Variants in ADRA1D observed in about 807,000 individuals in gnomAD.
ADRA1D encodes the protein adrenoceptor alpha 1D.
ADRA1D carries 22 observed loss-of-function variants against 18.6 expected under a neutral mutation model. The observed-to-expected ratio is 1.19, with a 90% confidence interval of 0.85 to 1.69. The LOEUF (loss-of-function observed/expected upper bound fraction) is 1.69. Ranked by LOEUF, ADRA1D falls within the 40% of genes most tolerant of loss-of-function variation. The pLI is 0.00. For synonymous variants in ADRA1D, 376 were observed against 388.2 expected (o/e 0.97, Z 0.37); for missense variants, 840 against 840.7 (o/e 1.00, Z 0.01).
rs1483384901 is a variant in ADRA1D at position 4,222,814 on chromosome 20, A to G, written c.1112-684T>C. ...ATGGAACCCGCGCTACCTATATATA[A>G]ACAGTAGATTAAACTACTGTGCTGG... On this transcript the variant is annotated intron_variant, in intron 1 of 1. Coordinates refer to ENST00000379453, the MANE Select transcript of ADRA1D (RefSeq NM_000678.4). The surrounding 1 kb of genome is among the most constrained non-coding windows in gnomAD (Gnocchi z 4.3). 6.6e-6 allele frequency among the ~76,000 whole-genome samples: 1 copy of G among 152,228 alleles called. No individual in the cohort carries two copies. Among genetic ancestry groups the G allele is most frequent in the Non-Finnish European group, 1.5e-5 (1 of 68,048 alleles).
intron 1 of ADRA1D, among the ~76,000 whole-genome samples, chr20:4,247,488 C>G (rs1271154312): frequency 5.3e-5 from 8 of 152,178 alleles, no homozygotes; most frequent in Non-Finnish European, 1.0e-4. Flanking sequence ...GCACCCACCT[C>G]CCGGGAGGGG....
Position 4,248,739 on chromosome 20 carries a change from C to G in ADRA1D, c.219G>C (p.Gly73=), listed in dbSNP as rs1348599104. Reference sequence around the variant, plus strand: ...TCACGTCGCCGCCCGCGCCCGCGCTCCCCGGCTCCCCCGCGGAGCTCCGGT... The same window carrying G: ...TCACGTCGCCGCCCGCGCCCGCGCTGCCCGGCTCCCCCGCGGAGCTCCGGT... ...EDNRSSAGEP[G]SAGAGGDVNG... is the part of the protein sequence containing the mutation. The change falls in exon 1 of 2, where the codon GGG becomes GGC. Residue 73 remains glycine, a synonymous_variant. Coordinates refer to ENST00000379453, the MANE Select transcript of ADRA1D (RefSeq NM_000678.4). 6.5e-7 allele frequency: 1 copy of G among 1,530,134 alleles called. No individual in the cohort carries two copies. The highest frequency in any genetic ancestry group is 2.0e-5 in the Admixed American group (1 of 49,430). 94.8% of individuals were successfully genotyped at this position (1,530,134 alleles called of 1,614,324 possible). A position where few individuals can be genotyped will look rare whatever the true frequency, so the allele number is the denominator to read the frequency against.
chr20:4,236,323 T>G (rs1236820815), intron 1 of ADRA1D, among the ~76,000 whole-genome samples: 1 of 152,184 alleles, frequency 6.6e-6, no homozygotes, highest in African/African-American at 2.4e-5. Flanking sequence ...GAACAGCACC[T>G]GGCACACAGG....
chr20:4,221,436 G>T lies in ADRA1D; in HGVS notation c.*87C>A. 7.0e-7 allele frequency: 1 copy of T among 1,428,696 alleles called. No homozygotes were observed. The highest frequency in any genetic ancestry group is 1.4e-5 in the South Asian group (1 of 73,018). 88.5% of individuals were successfully genotyped at this position (1,428,696 alleles called of 1,614,324 possible). On this transcript the variant is annotated 3_prime_UTR_variant, in exon 2 of 2. Transcript: ENST00000379453. ...TGATCAGTTTCCGGGTCTCCGATTT[G>T]CACGGGGGCTCTTAGAACACCAGCC...
intron 1 of ADRA1D, among the ~76,000 whole-genome samples, chr20:4,227,328 C>T (rs371025698): frequency 2.4e-3 from 372 of 152,308 alleles, no homozygotes; most frequent in African/African-American, 8.5e-3. Flanking sequence ...TGAAGTCTCT[C>T]TTACACCACT....
Position 4,248,749 on chromosome 20 carries a change from C to G in ADRA1D, c.209G>C (p.Gly70Ala). Reference protein sequence around the residue: ...GSGEDNRSSAGEPGSAGAGGD... With the variant: ...GSGEDNRSSAAEPGSAGAGGD... ...GCCCGCGCCCGCGCTCCCCGGCTCCCCCGCGGAGCTCCGGTTGTCCTCGCC... is the reference window on the plus strand; with the variant it reads ...GCCCGCGCCCGCGCTCCCCGGCTCCGCCGCGGAGCTCCGGTTGTCCTCGCC... Residue 70 changes from glycine (G) to alanine (A), a missense_variant, in exon 1 of 2, where the codon GGG becomes GCG. Gly to Ala is a moderately conservative substitution (Grantham distance 60). Coordinates refer to ENST00000379453, the MANE Select transcript of ADRA1D (RefSeq NM_000678.4). 6.6e-7 allele frequency: 1 copy of G among 1,516,724 alleles called. No homozygotes were observed. The highest frequency in any genetic ancestry group is 8.8e-7 in the Non-Finnish European group (1 of 1,131,980). The allele number at this position is 1,516,724 out of a possible 1,614,324, so 94.0% of individuals were successfully genotyped here. A position where few individuals can be genotyped will look rare whatever the true frequency, so the allele number is the denominator to read the frequency against.
At chr20:4,227,600 T>C (rs2326478) in intron 1 of ADRA1D, among the ~76,000 whole-genome samples, 91,596 of 151,352 alleles carry the variant, frequency 0.61, 28,681 homozygotes, top group Middle Eastern at 0.81. Context: ...ATCACCTTCA[T>C]GTTACTACCT....
intron 1 of ADRA1D, among the ~76,000 whole-genome samples, chr20:4,235,886 T>C (rs1194331033): frequency 6.6e-6 from 1 of 152,146 alleles, no homozygotes; most frequent in Non-Finnish European, 1.5e-5. Flanking sequence ...GAGATGGGCT[T>C]AGGGACTCAG....
chr20:4,224,378 A>C (rs1389718287), intron 1 of ADRA1D, among the ~76,000 whole-genome samples: 1 of 151,738 alleles, frequency 6.6e-6, no homozygotes. Flanking sequence ...TGCCAGGAAG[A>C]CCCTCCTTTC....
rs1209805830 is a variant in ADRA1D at position 4,248,178 on chromosome 20, C to T, written c.780G>A (p.Val260=). ...CCGCCATGGGCAGGTAGAAGGAGCA[C>T]ACGGAGGAGAAGACAGCGTAGCCCG... The part of the protein sequence containing the change: ...EEAGYAVFSS[V]CSFYLPMAVI... The change falls in exon 1 of 2, where the codon GTG becomes GTA. Residue 260 remains valine (V), a synonymous_variant. Coordinates refer to ENST00000379453, the MANE Select transcript of ADRA1D (RefSeq NM_000678.4). The T allele has an allele frequency of 1.3e-6, 2 of 1,586,186 alleles. No individual in the cohort carries two copies. Among genetic ancestry groups the T allele is most frequent in the Non-Finnish European group, 1.7e-6 (2 of 1,166,240 alleles).
At chr20:4,223,174 TTTTCA>T (rs56738143) in intron 1 of ADRA1D, among the ~76,000 whole-genome samples, 27,528 of 151,932 alleles carry the variant, frequency 0.18, 2,961 homozygotes, top group East Asian at 0.35. Context: ...AAGGGTAGTC[TTTTCA>T]TTTGTCTTTT....
chr20:4,248,231 C>G lies in ADRA1D; in HGVS notation c.727G>C (p.Glu243Gln). The G allele has an allele frequency of 4.4e-6, 7 of 1,602,558 alleles. No individual in the cohort carries two copies. The highest frequency in any genetic ancestry group is 6.0e-6 in the Non-Finnish European group (7 of 1,174,934). ...TCCTCGGTGATACCGCAGAAGCGCT[C>G]GTCAGGGGGCACGGGCTCCTTCCAG... ...LGWKEPVPPD[E>Q]RFCGITEEAG... The change falls in exon 1 of 2, where the codon GAG becomes CAG. Residue 243 changes from glutamate to glutamine, a missense_variant. Glu to Gln is a conservative substitution (Grantham distance 29). Coordinates refer to ENST00000379453, the MANE Select transcript of ADRA1D (RefSeq NM_000678.4).
chr20:4,248,678 C>T lies in ADRA1D; in HGVS notation c.280G>A (p.Ala94Thr). 6.3e-7 allele frequency: 1 copy of T among 1,594,488 alleles called. No individual in the cohort carries two copies. Among genetic ancestry groups the T allele is most frequent in the Non-Finnish European group, 8.5e-7 (1 of 1,171,616 alleles). Reference sequence around the variant, plus strand: ...AAGACGCCCACGCCCACGCCCTGCGCGCTCACCACCAGTCCCCCGACGGCC... The same window carrying T: ...AAGACGCCCACGCCCACGCCCTGCGTGCTCACCACCAGTCCCCCGACGGCC... ...TAAVGGLVVSAQGVGVGVFLA... is the reference protein window; with the variant it reads ...TAAVGGLVVSTQGVGVGVFLA... Residue 94 changes from alanine (A) to threonine (T), a missense_variant, in exon 1 of 2, where the codon GCG (alanine) becomes ACG (threonine). By Grantham distance (58) the Ala-to-Thr change is moderately conservative. Transcript: ENST00000379453.
Position 4,221,820 on chromosome 20 carries a change from G to GGCCA in ADRA1D, c.1421_1422insTGGC (p.Pro475GlyfsTer115). The stretch of plus-strand genomic sequence containing the variant: ...GAGCCTGCATCTCGGGCGTGCCTGG[G>GGCCA]GGTTCGGGGTCGGGGTCGGGGAGCG... On this transcript the variant is annotated frameshift_variant, in exon 2 of 2. Coordinates refer to ENST00000379453, the MANE Select transcript of ADRA1D (RefSeq NM_000678.4). LOFTEE classifies it low-confidence loss of function (END_TRUNC). 1.3e-6 allele frequency: 2 copies of GGCCA among 1,532,944 alleles called. No homozygotes were observed. Among genetic ancestry groups the GGCCA allele is most frequent in the African/African-American group, 2.8e-5 (2 of 72,052 alleles). 95.0% of individuals were successfully genotyped at this position (1,532,944 alleles called of 1,614,324 possible). A position where few individuals can be genotyped will look rare whatever the true frequency, so the allele number is the denominator to read the frequency against.
rs749752137 is a variant in ADRA1D at position 4,221,990 on chromosome 20, G to A, written c.1252C>T (p.Arg418Cys). Residue 418 changes from arginine to cysteine, a missense_variant, in exon 2 of 2, where the codon CGC (arginine) becomes TGC (cysteine). By Grantham distance (180) the Arg-to-Cys change is radical. Coordinates refer to ENST00000379453, the MANE Select transcript of ADRA1D (RefSeq NM_000678.4). Reference protein sequence around the residue: ...EFKRAFLRLLRCQCRRRRRRR... With the variant: ...EFKRAFLRLLCCQCRRRRRRR... ...CGCCGGCGACGACGGCACTGGCAGC[G>A]CAGGAGACGGAGGAAGGCGCGCTTG... The A allele has an allele frequency of 4.4e-6, 7 of 1,579,336 alleles. No individual in the cohort carries two copies. The highest frequency in any genetic ancestry group is 6.0e-6 in the Non-Finnish European group (7 of 1,163,154).
Position 4,222,154 on chromosome 20 carries a change from T to G in ADRA1D, c.1112-24A>C. On this transcript the variant is annotated intron_variant, in intron 1 of 1. Transcript: ENST00000379453. This position sits in a 1 kb window ranked among gnomAD's most constrained non-coding sequence, Gnocchi z 4.3. ...GCCTGTAGGGAGCAGAGACCGATACTATTTAGCTGCTTGGGGAGGGGGAGG... is the reference window on the plus strand; with the variant it reads ...GCCTGTAGGGAGCAGAGACCGATACGATTTAGCTGCTTGGGGAGGGGGAGG... 1 of 1,605,192 alleles carries G rather than the reference T, an allele frequency of 6.2e-7. No homozygotes were observed. Among genetic ancestry groups the G allele is most frequent in the South Asian group, 1.1e-5 (1 of 90,672 alleles).
chr20:4,247,395 G>A (rs901353320), intron 1 of ADRA1D, among the ~76,000 whole-genome samples: 2 of 152,136 alleles, frequency 1.3e-5, no homozygotes, highest in Admixed American at 1.3e-4. Context: ...AAAGCGGGTG[G>A]CTTCTGGCAT....
At chr20:4,232,397 G>C (rs1980992640) in intron 1 of ADRA1D, among the ~76,000 whole-genome samples, 1 of 152,174 alleles carries the variant, frequency 6.6e-6, no homozygotes, top group Admixed American at 6.5e-5. Context: ...TGCGTGCTCG[G>C]AGCATGCTTC....
chr20:4,247,947 C>A lies in ADRA1D; in HGVS notation c.1011G>T (p.Leu337=). The change falls in exon 1 of 2, where the codon CTG becomes CTT. Residue 337 remains leucine (L), a synonymous_variant. Coordinates refer to ENST00000379453, the MANE Select transcript of ADRA1D (RefSeq NM_000678.4). ...HTFRSSLSVR[L]LKFSREKKAA... Reference sequence around the variant, plus strand: ...CTTTCTTCTCACGGGAGAACTTGAGCAGGCGCACGGAGAGCGAGCTGCGGA... The same window carrying A: ...CTTTCTTCTCACGGGAGAACTTGAGAAGGCGCACGGAGAGCGAGCTGCGGA... 1 of 1,599,550 alleles carries A rather than the reference C, an allele frequency of 6.3e-7. No homozygotes were observed. Among genetic ancestry groups the A allele is most frequent in the African/African-American group, 1.3e-5 (1 of 74,546 alleles).
Sources: gnomAD v4.1 joint callset for allele counts (sites outside exome capture counted in the v4.1 genomes callset) on GRCh38, gnomAD v4.1.1 for gene constraint, Gnocchi (gnomAD v3.1) non-coding constraint, MANE v1.5 for transcripts, NCBI Gene and HGNC (gene_info 2026-07-23, HGNC 2026-07-21) for gene names.